The following TRPM3 variants were observed in gnomAD, a reference collection of about 807,000 sequenced individuals.
TRPM3 encodes long transient receptor potential channel 3.
Under a neutral mutation model 181.2 loss-of-function variants are expected in TRPM3, and 77 were observed. The observed-to-expected ratio is 0.42, with a 90% CI of 0.35 to 0.51. The LOEUF is 0.51. TRPM3 is among the 20% of genes least tolerant of loss of function. TRPM3 has a pLI of 0.01. For synonymous variants in TRPM3, 745 were observed against 796.4 expected, an observed-to-expected ratio of 0.94 and a Z score of 1.09; for missense variants, 1,759 against 2,196.7, an observed-to-expected ratio of 0.80 and a Z score of 3.98.
chr9:71,312,277 CAG>C (rs1227541762), intron 1 of TRPM3, among the ~76,000 whole-genome samples: 1 of 152,022 alleles, frequency 6.6e-6, no homozygotes, highest in Admixed American at 6.6e-5. Context: ...ACCAAAGAAA[CAG>C]ATGACAAACA....
At chr9:70,965,052 C>T (rs922444030) in intron 1 of TRPM3, among the ~76,000 whole-genome samples, 1 of 152,054 alleles carries the variant, frequency 6.6e-6, no homozygotes, top group Non-Finnish European at 1.5e-5. Context: ...CTCACTCACT[C>T]TCCCCCATCT....
At chr9:70,803,052 A>C (rs915620944) in intron 6 of TRPM3, among the ~76,000 whole-genome samples, 37 of 129,562 alleles carry the variant, frequency 2.9e-4, no homozygotes, top group African/African-American at 1.4e-3. Context: ...AAAAAAAAAA[A>C]AAAAAAACAA....
intron 15 of TRPM3, among the ~76,000 whole-genome samples, chr9:70,620,965 T>C (rs2063522627): frequency 6.7e-6 from 1 of 149,396 alleles, no homozygotes; most frequent in African/African-American, 2.4e-5. Flanking sequence ...TATAACCTCA[T>C]GGTGGAATTT....
intron 8 of TRPM3, among the ~76,000 whole-genome samples, chr9:70,692,075 T>A (rs374159776): frequency 1.3e-5 from 2 of 152,102 alleles, no homozygotes; most frequent in African/African-American, 2.4e-5. Context: ...CTTTCTTTTT[T>A]CCCCCCTGCC....
chr9:71,329,049 T>C lies in TRPM3; in HGVS notation c.183+117604A>G, dbSNP rs2089927808. On this transcript the variant is annotated intron_variant, in intron 1 of 24. Transcript: ENST00000357533. ...TCCTGAGCCTCGGTTTCCTTTTCTG[T>C]AAAAGATAGGTGACAATAGAACTAT... Among the ~76,000 whole-genome samples the C allele has an allele frequency of 2.0e-5, 3 of 152,202 alleles. No homozygotes were observed. The South Asian group carries it at 6.2e-4, about 32-fold the overall frequency.
chr9:71,383,870 A>G (rs1428841638), intron 1 of TRPM3, among the ~76,000 whole-genome samples: 2 of 152,230 alleles, frequency 1.3e-5, no homozygotes, highest in Non-Finnish European at 2.9e-5. Context: ...TCACTAACAC[A>G]TAGTATATCC....
chr9:70,752,940 T>C (rs12376453), intron 8 of TRPM3, among the ~76,000 whole-genome samples: 35,970 of 151,832 alleles, frequency 0.24, 4,374 homozygotes, highest in South Asian at 0.33. Context: ...TGAAACCCCA[T>C]CTCTACTAAA....
chr9:70,681,472 T>G, intron 9 of TRPM3, 34 bp downstream of exon 9: 1 of 1,584,832 alleles, frequency 6.3e-7, no homozygotes, highest in Non-Finnish European at 8.7e-7. Flanking sequence ...TCGTTTAAAT[T>G]ATTTTCACAC....
chr9:70,917,415 C>A (rs888324384), intron 1 of TRPM3: 2 of 835,842 alleles, frequency 2.4e-6, no homozygotes, highest in East Asian at 4.9e-5. Flanking sequence ...ACCACCTCCA[C>A]CTGCTCAGAA....
Position 70,533,800 on chromosome 9 carries a change from C to T in TRPM3, c.*2153G>A, listed in dbSNP as rs1190596606. 6.6e-6 allele frequency: 1 copy of T among 152,150 alleles called. No homozygotes were observed. Among genetic ancestry groups the T allele is most frequent in the Non-Finnish European group, 1.5e-5 (1 of 68,034 alleles). The allele number at this position is 152,150 out of a possible 1,614,324, so 9.4% of individuals were successfully genotyped here. A position where few individuals can be genotyped will look rare whatever the true frequency, so the allele number is the denominator to read the frequency against. ...AGTCTGGGTGTTTGTTAGCAATTCA[C>T]CTAAATGCCAAGGAGTGAAAAAGGA... is the stretch of plus-strand genomic sequence containing the variant. On this transcript the variant is annotated 3_prime_UTR_variant, in exon 26 of 26. Coordinates refer to ENST00000677713, the MANE Select transcript of TRPM3 (RefSeq NM_001366145.2).
chr9:71,360,226 T>C (rs1245389361), intron 1 of TRPM3, among the ~76,000 whole-genome samples: 1 of 152,204 alleles, frequency 6.6e-6, no homozygotes, highest in Non-Finnish European at 1.5e-5. Context: ...GCCAATGTCC[T>C]AGCCCAAGAC....
At chr9:71,054,947 T>C (rs373943014) in intron 1 of TRPM3, among the ~76,000 whole-genome samples, 6 of 152,242 alleles carry the variant, frequency 3.9e-5, no homozygotes, top group African/African-American at 1.4e-4. Context: ...AAATGATGCA[T>C]ATAAAGCCTT....
At chr9:71,027,127 C>A (rs754856575) in intron 1 of TRPM3, among the ~76,000 whole-genome samples, 1 of 152,144 alleles carries the variant, frequency 6.6e-6, no homozygotes, top group Non-Finnish European at 1.5e-5. Context: ...AGGTTCCTAA[C>A]CTCAAGGAGC....
rs1284794876 is a variant in TRPM3 at position 71,011,770 on chromosome 9, G to GT, written c.177+109407dup. 4.6e-3 allele frequency among the ~76,000 whole-genome samples: 553 copies of GT among 120,432 alleles called. 3 individuals carry two copies. Among genetic ancestry groups the GT allele is most frequent in the East Asian group, 0.017 (69 of 4,070 alleles). 79.0% of individuals were successfully genotyped at this position (120,432 alleles called of 152,430 possible). ...GGGGTCATACAGGAATTCATCCATG[G>GT]TTTTTTTTTTTGTTTTTTTGTTTTT... On this transcript the variant is annotated intron_variant, in intron 1 of 25. Coordinates refer to ENST00000677713, the MANE Select transcript of TRPM3 (RefSeq NM_001366145.2).
chr9:71,206,624 C>T (rs1272422814), intron 1 of TRPM3, among the ~76,000 whole-genome samples: 1 of 152,072 alleles, frequency 6.6e-6, no homozygotes, highest in East Asian at 1.9e-4. Context: ...CTTGTGTTGT[C>T]ATTGCTTTTC....
At chr9:70,849,849 C>T (rs919636528) in intron 3 of TRPM3, among the ~76,000 whole-genome samples, 2 of 152,050 alleles carry the variant, frequency 1.3e-5, no homozygotes, top group African/African-American at 4.8e-5. Context: ...GCCATGCTTT[C>T]GGGTCTGGAA....
intron 1 of TRPM3, among the ~76,000 whole-genome samples, chr9:71,437,539 A>G (rs759887947): frequency 2.5e-4 from 38 of 152,218 alleles, no homozygotes; most frequent in Non-Finnish European, 4.7e-4. Flanking sequence ...TGTAACAGCA[A>G]GAATTGAATG....
chr9:70,627,629 C>T, intron 12 of TRPM3, among the ~76,000 whole-genome samples: 1 of 152,194 alleles, frequency 6.6e-6, no homozygotes, highest in East Asian at 1.9e-4. Context: ...CCCCATCCCA[C>T]TGTGTTCTAC....
intron 1 of TRPM3, among the ~76,000 whole-genome samples, chr9:70,927,426 A>G (rs1372979511): frequency 6.6e-6 from 1 of 152,226 alleles, no homozygotes; most frequent in Admixed American, 6.5e-5. Context: ...AATTCACAGC[A>G]TAAGAAAAGG....
Sources: gnomAD v4.1 joint callset for allele counts (sites outside exome capture counted in the v4.1 genomes callset) on GRCh38, gnomAD v4.1.1 for gene constraint, MANE v1.5 for transcripts, NCBI Gene and HGNC (gene_info 2026-07-23, HGNC 2026-07-21) for gene names.